CD81: variants seen among roughly 807,000 people sequenced by gnomAD.
CD81 encodes CD81 antigen.
In CD81, 10 loss-of-function variants were observed where a neutral mutation model predicts 30.1. The ratio of observed to expected loss-of-function variants is 0.33; its 90% CI spans 0.21 to 0.56. The LOEUF (loss-of-function observed/expected upper bound fraction) is 0.56, where lower values mean the gene tolerates loss of function less well. Ranked by LOEUF, CD81 falls within the 20% of genes least tolerant of loss-of-function variation. CD81 has a pLI of 0.89. For synonymous variants in CD81, 147 were observed against 126.4 expected, an observed-to-expected ratio of 1.16 and a Z score of -1.10; for missense variants, 263 against 308.7, an observed-to-expected ratio of 0.85 and a Z score of 1.11.
chr11:2,377,696 GC>G lies in CD81; in HGVS notation c.66+85del. 1 of 922,970 alleles carries G rather than the reference GC, an allele frequency of 1.1e-6. No individual in the cohort carries two copies. The highest frequency in any genetic ancestry group is 3.4e-5 in the Admixed American group (1 of 29,850). The allele number at this position is 922,970 out of a possible 1,614,324, so 57.2% of individuals were successfully genotyped here. A position where few individuals can be genotyped will look rare whatever the true frequency, so the allele number is the denominator to read the frequency against. ...GGCAGGTCCCGCGGCAGCGTGCTAG[GC>G]CCCGCGGGCGCAGCGCGGGCCGCGA... is the stretch of plus-strand genomic sequence containing the variant. On this transcript the variant is annotated intron_variant, in intron 1 of 7. Coordinates refer to ENST00000263645, the MANE Select transcript of CD81 (RefSeq NM_004356.4). This position sits in a 1 kb window ranked among gnomAD's most constrained non-coding sequence, Gnocchi z 7.7.
chr11:2,397,066 G>C lies in CD81; in HGVS notation c.*200G>C, dbSNP rs143793173. 2.1e-5 allele frequency: 13 copies of C among 629,054 alleles called. No homozygotes were observed. The highest frequency in any genetic ancestry group is 1.8e-4 in the African/African-American group (10 of 55,064). 39.0% of individuals were successfully genotyped at this position (629,054 alleles called of 1,614,324 possible). A position where few individuals can be genotyped will look rare whatever the true frequency, so the allele number is the denominator to read the frequency against. On this transcript the variant is annotated 3_prime_UTR_variant, in exon 8 of 8. Coordinates refer to ENST00000263645, the MANE Select transcript of CD81 (RefSeq NM_004356.4). The stretch of plus-strand genomic sequence containing the variant: ...GGCTGACGTCACATGTAGGTGGCGT[G>C]TATGAGTGGAGACGGGCCTGGGTCT...
intron 1 of CD81, among the ~76,000 whole-genome samples, chr11:2,387,954 G>T (rs1419982165): frequency 6.6e-6 from 1 of 152,232 alleles, no homozygotes; most frequent in African/African-American, 2.4e-5. Context: ...TCGGGTGTGT[G>T]GAGAAGGTGC....
intron 2 of CD81, chr11:2,393,515 G>C: frequency 4.1e-6 from 1 of 244,798 alleles, no homozygotes; most frequent in Non-Finnish European, 8.1e-6. Context: ...TCAAATGCAG[G>C]TCCCGTAACG....
intron 3 of CD81, 85 bp from the exon 4 acceptor site, chr11:2,394,887 C>T (rs775704979): frequency 1.2e-5 from 15 of 1,270,534 alleles, no homozygotes; most frequent in South Asian, 3.6e-5. Flanking sequence ...CTCACAGACA[C>T]GCCTGCTGGG....
Position 2,394,953 on chromosome 11 carries a change from G to A in CD81, c.280-19G>A. ...ACAGCCTGCCCTCTTTCCTCCCTCT[G>A]GCCACTGCCCGGCTCCAGTTCTTCA... On this transcript the variant is annotated intron_variant, in intron 3 of 7. Transcript: ENST00000263645. 1 of 1,610,962 alleles carries A rather than the reference G, an allele frequency of 6.2e-7. No homozygotes were observed. Among genetic ancestry groups the A allele is most frequent in the Non-Finnish European group, 8.5e-7 (1 of 1,178,840 alleles).
chr11:2,395,324 G>C, intron 4 of CD81, 92 bp from the exon 5 acceptor site: 1 of 1,027,962 alleles, frequency 9.7e-7, no homozygotes, highest in Non-Finnish European at 1.5e-6. Context: ...CCCAGGGAGA[G>C]CCTGGGAAAA....
In CD81 at chr11:2,390,541, G is replaced by A. The variant is rs944354332; in HGVS notation, c.181+15G>A. Reference sequence around the variant, plus strand: ...CTTCTATGTAGGTGAGTGCACATGTGGCCGCAGACGCATTCAGGGAGGGCT... The same window carrying A: ...CTTCTATGTAGGTGAGTGCACATGTAGCCGCAGACGCATTCAGGGAGGGCT... On this transcript the variant is annotated intron_variant, in intron 2 of 7. Coordinates refer to ENST00000263645, the MANE Select transcript of CD81 (RefSeq NM_004356.4). 2.6e-6 allele frequency: 4 copies of A among 1,565,004 alleles called. No individual in the cohort carries two copies. Among genetic ancestry groups the A allele is most frequent in the Middle Eastern group, 1.7e-4 (1 of 6,010 alleles).
chr11:2,390,361 C>G lies in CD81; in HGVS notation c.67-51C>G, dbSNP rs1589850800. On this transcript the variant is annotated intron_variant, in intron 1 of 7. Transcript: ENST00000263645. ...GCCTTGCGTGTGGGGTGGGCGCACT[C>G]CCTGCTGCAGTGCTCTTCGTACATG... is the stretch of plus-strand genomic sequence containing the variant. The G allele has an allele frequency of 2.1e-6, 3 of 1,413,018 alleles. No individual in the cohort carries two copies. The East Asian group carries it at 6.8e-5, about 32-fold the overall frequency. 87.5% of individuals were successfully genotyped at this position (1,413,018 alleles called of 1,614,324 possible). A position where few individuals can be genotyped will look rare whatever the true frequency, so the allele number is the denominator to read the frequency against.
chr11:2,394,192 G>A lies in CD81; in HGVS notation c.279G>A (p.Thr93=). ...AIQESQCLLG[T]FFTCLVILFA... ...AGGAATCCCAGTGCCTGCTGGGGAC[G>A]GTAAGGCAGGGAGGCGGGCCTGTGC... The change falls in exon 3 of 8, where the codon ACG becomes ACA. Residue 93 remains threonine, a splice_region_variant and synonymous_variant. Coordinates refer to ENST00000263645, the MANE Select transcript of CD81 (RefSeq NM_004356.4). 4 of 1,603,188 alleles carry A rather than the reference G, an allele frequency of 2.5e-6. No individual in the cohort carries two copies. Among genetic ancestry groups the A allele is most frequent in the Non-Finnish European group, 3.4e-6 (4 of 1,171,946 alleles).
chr11:2,393,964 A>C (rs1849949538), intron 2 of CD81, 131 bp from the exon 3 acceptor site: 3 of 745,744 alleles, frequency 4.0e-6, no homozygotes, highest in Non-Finnish European at 4.9e-6. Context: ...CTTGCTGCTC[A>C]TCCCTGGCAG....
At chr11:2,387,603 G>A (rs1361706999) in intron 1 of CD81, among the ~76,000 whole-genome samples, 1 of 152,066 alleles carries the variant, frequency 6.6e-6, no homozygotes, top group Non-Finnish European at 1.5e-5. Flanking sequence ...GCTCCCACGG[G>A]TATAATGGGC....
At position 2,394,075 on chromosome 11, in the gene CD81, G is replaced by A; in HGVS notation, c.182-20G>A. 6.3e-7 allele frequency: 1 copy of A among 1,593,584 alleles called. No homozygotes were observed. Among genetic ancestry groups the A allele is most frequent in the Non-Finnish European group, 8.6e-7 (1 of 1,162,246 alleles). On this transcript the variant is annotated intron_variant, in intron 2 of 7. Transcript: ENST00000263645. ...GTGGCGAGTGTGTAGGCACCCACCT[G>A]GTGTCTCTCTCCCCGCAAGGCATCT...
chr11:2,389,942 G>C (rs1349586274), intron 1 of CD81, among the ~76,000 whole-genome samples: 1 of 152,014 alleles, frequency 6.6e-6, no homozygotes, highest in Non-Finnish European at 1.5e-5. Context: ...CTTGCAGGAG[G>C]GGGCAGTGTT....
upstream of CD81, chr11:2,377,298 A>G (rs1241016960): frequency 6.6e-6 from 1 of 150,632 alleles, no homozygotes; most frequent in Non-Finnish European, 1.5e-5. This position sits in a 1 kb window ranked among gnomAD's most constrained non-coding sequence, Gnocchi z 7.7. Context: ...CTGCGGAGCG[A>G]GGCGCGCGCC....
intron 3 of CD81, 91 bp from the exon 4 acceptor site, chr11:2,394,881 C>T (rs1161249182): frequency 6.6e-6 from 8 of 1,216,142 alleles, no homozygotes; most frequent in Non-Finnish European, 9.7e-6. Flanking sequence ...TAGCCCCTCA[C>T]AGACACGCCT....
chr11:2,387,741 C>A (rs191829706), intron 1 of CD81, among the ~76,000 whole-genome samples: 39 of 152,326 alleles, frequency 2.6e-4, no homozygotes, highest in African/African-American at 8.7e-4. Flanking sequence ...CAGCGCTGCC[C>A]GCAGGTGTAT....
rs1307603621 is a variant in CD81, at chr11:2,390,207, A to G, written c.67-205A>G. 8 of 649,268 alleles carry G rather than the reference A, an allele frequency of 1.2e-5. No homozygotes were observed. The East Asian group carries it at 2.2e-4, about 18-fold the overall frequency. The allele number at this position is 649,268 out of a possible 1,614,324, so 40.2% of individuals were successfully genotyped here. A position where few individuals can be genotyped will look rare whatever the true frequency, so the allele number is the denominator to read the frequency against. On this transcript the variant is annotated intron_variant, in intron 1 of 7. Coordinates refer to ENST00000263645, the MANE Select transcript of CD81 (RefSeq NM_004356.4). ...AGGTGCAGGGCAGGGCCAGGCTCCA[A>G]GTAGATGGCGGCCAAAGCACCCGCC...
At position 2,394,978 on chromosome 11, in the gene CD81, A is replaced by T; in HGVS notation, c.286A>T (p.Thr96Ser). ...GGCCACTGCCCGGCTCCAGTTCTTC[A>T]CCTGCCTGGTCATCCTGTTTGCCTG... ...ESQCLLGTFF[T>S]CLVILFACEV... Residue 96 changes from threonine to serine, a missense_variant, in exon 4 of 8, where the codon ACC becomes TCC. Thr to Ser is a moderately conservative substitution (Grantham distance 58). Coordinates refer to ENST00000263645, the MANE Select transcript of CD81 (RefSeq NM_004356.4). The T allele has an allele frequency of 6.2e-7, 1 of 1,612,060 alleles. No homozygotes were observed. Among genetic ancestry groups the T allele is most frequent in the East Asian group, 2.2e-5 (1 of 44,854 alleles).
At position 2,390,546 on chromosome 11, in the gene CD81, C is replaced by T. The variant is rs747158869; in HGVS notation, c.181+20C>T. 23 of 1,542,758 alleles carry T rather than the reference C, an allele frequency of 1.5e-5. No individual in the cohort carries two copies. In the South Asian group the frequency reaches 2.2e-4, roughly 15 times the overall value. ...ATGTAGGTGAGTGCACATGTGGCCG[C>T]AGACGCATTCAGGGAGGGCTTCTAG... On this transcript the variant is annotated intron_variant, in intron 2 of 7. Coordinates refer to ENST00000263645, the MANE Select transcript of CD81 (RefSeq NM_004356.4).
Sources: allele counts gnomAD v4.1 joint callset (sites outside exome capture counted in the v4.1 genomes callset), GRCh38; gene constraint gnomAD v4.1.1; non-coding constraint Gnocchi (gnomAD v3.1); transcripts MANE v1.5; gene names NCBI Gene and HGNC (gene_info 2026-07-23, HGNC 2026-07-21).